RBM6: variants seen among roughly 807,000 people sequenced by gnomAD.
The protein encoded by RBM6 is RNA-binding protein 6.
Under a neutral mutation model 140.4 loss-of-function variants are expected in RBM6, and 23 were observed. The ratio of observed to expected loss-of-function variants is 0.16; its 90% confidence interval spans 0.12 to 0.23. The LOEUF is 0.23. RBM6 is among the 10% of genes least tolerant of loss of function. The pLI, the probability that RBM6 is intolerant of heterozygous loss-of-function variation, is 1.00. For missense variants in RBM6, 1,139 were observed against 1,386.7 expected, an observed-to-expected ratio of 0.82 and a Z score of 2.84; for synonymous variants, 439 against 475.6, an observed-to-expected ratio of 0.92 and a Z score of 1.00.
chr3:49,996,822 G>T (rs1044438362), intron 5 of RBM6, among the ~76,000 whole-genome samples: 6 of 152,116 alleles, frequency 3.9e-5, no homozygotes, highest in Non-Finnish European at 8.8e-5. Context: ...TATTTAAATT[G>T]GTCTATGATC....
chr3:50,013,863 A>G (rs943179880), intron 6 of RBM6, among the ~76,000 whole-genome samples: 1 of 152,052 alleles, frequency 6.6e-6, no homozygotes. Context: ...GATTTTTGAC[A>G]TGCTCTTCTC....
intron 6 of RBM6, among the ~76,000 whole-genome samples, chr3:50,008,966 G>A (rs1183838367): frequency 1.3e-5 from 2 of 152,220 alleles, no homozygotes; most frequent in Non-Finnish European, 2.9e-5. Context: ...AAAGTGATCA[G>A]CATGATAACT....
chr3:50,074,126 GC>G (rs2090389035), intron 19 of RBM6, among the ~76,000 whole-genome samples: 1 of 152,028 alleles, frequency 6.6e-6, no homozygotes, highest in African/African-American at 2.4e-5. Flanking sequence ...ACTGCACCCG[GC>G]CACCAAGCAG....
At chr3:50,043,169 T>G (rs745674475) in intron 6 of RBM6, among the ~76,000 whole-genome samples, 3 of 152,160 alleles carry the variant, frequency 2.0e-5, no homozygotes, top group African/African-American at 4.8e-5. Context: ...AGGAGATGTC[T>G]TTGGTTTTAC....
rs542734328 is a variant in RBM6, at chr3:50,021,740, C to CTTTTTTTTTTTTTTTTTTTT, written c.1557+22238_1557+22257dup. Among the ~76,000 whole-genome samples the CTTTTTTTTTTTTTTTTTTTT allele has an allele frequency of 2.8e-4, 12 of 42,752 alleles. 5 individuals are homozygous for CTTTTTTTTTTTTTTTTTTTT. Among genetic ancestry groups the CTTTTTTTTTTTTTTTTTTTT allele is most frequent in the Non-Finnish European group, 4.1e-4 (10 of 24,470 alleles). The allele number at this position is 42,752 out of a possible 152,430, so 28.0% of individuals were successfully genotyped here. A position where few individuals can be genotyped will look rare whatever the true frequency, so the allele number is the denominator to read the frequency against. On this transcript the variant is annotated intron_variant, in intron 6 of 20. Coordinates refer to ENST00000266022, the MANE Select transcript of RBM6 (RefSeq NM_005777.3). ...ATCTCCATACTGAGGAATTTAAGTGCTTTTTTTTTTTTTTTTTTTTTTTTT... is the reference window on the plus strand; with the variant it reads ...ATCTCCATACTGAGGAATTTAAGTGCTTTTTTTTTTTTTTTTTTTTTTTTTTTTTTTTTTTTTTTTTTTTT...
At chr3:50,018,653 G>A (rs1466838824) in intron 6 of RBM6, among the ~76,000 whole-genome samples, 1 of 141,560 alleles carries the variant, frequency 7.1e-6, no homozygotes, top group Non-Finnish European at 1.5e-5. Flanking sequence ...GTGCAGTGGT[G>A]CGATCTCGGT....
Position 49,968,510 on chromosome 3 carries a change from G to C in RBM6, c.1085G>C (p.Ser362Thr). Reference sequence around the variant, plus strand: ...CCAGCAGACTTTCAGAACAGCCAAAGTCCAGTTCAAGACCAAGATAAGTCA... The same window carrying C: ...CCAGCAGACTTTCAGAACAGCCAAACTCCAGTTCAAGACCAAGATAAGTCA... ...ESPADFQNSQ[S>T]PVQDQDKSQL... The change falls in exon 3 of 21, where the codon AGT becomes ACT. Residue 362 changes from serine (S) to threonine (T), a missense_variant. By Grantham distance (58) the Ser-to-Thr change is moderately conservative. This residue lies in a region of RBM6 where 566 missense variants were observed against 612.7 expected (regional missense o/e 0.92). Coordinates refer to ENST00000266022, the MANE Select transcript of RBM6 (RefSeq NM_005777.3). 1 of 1,614,208 alleles carries C rather than the reference G, an allele frequency of 6.2e-7. No individual in the cohort carries two copies. The highest frequency in any genetic ancestry group is 8.5e-7 in the Non-Finnish European group (1 of 1,180,038).
intron 5 of RBM6, among the ~76,000 whole-genome samples, chr3:49,978,606 G>T (rs2085164092): frequency 6.6e-6 from 1 of 152,218 alleles, no homozygotes; most frequent in African/African-American, 2.4e-5. Flanking sequence ...TTATAGAAAT[G>T]TAGTTTACAT....
intron 14 of RBM6, 182 bp from the exon 15 acceptor site, chr3:50,061,780 C>T: frequency 1.6e-6 from 2 of 1,272,556 alleles, no homozygotes; most frequent in South Asian, 3.3e-5. Flanking sequence ...AAAAAGTGGA[C>T]AGTGGGTGGT....
At chr3:50,037,870 G>A (rs148796705) in intron 6 of RBM6, among the ~76,000 whole-genome samples, 1,832 of 147,976 alleles carry the variant, frequency 0.012, 15 homozygotes, top group Non-Finnish European at 0.018. Flanking sequence ...TGCCCAGGCT[G>A]GAGTGTGGTG....
In RBM6 at chr3:49,967,566, T is replaced by C. The variant is rs2084563167; in HGVS notation, c.141T>C (p.Phe47=). The change falls in exon 3 of 21, where the codon TTT becomes TTC. Residue 47 remains phenylalanine, a synonymous_variant. Transcript: ENST00000266022. This position sits in a 1 kb window ranked among gnomAD's most constrained non-coding sequence, Gnocchi z 4.0. ...CTCAAGAGAGACACTCTGGCAACTT[T>C]CCTGGCAGAGATTCACTTCCCTTTG... ...SHAQERHSGN[F]PGRDSLPFDF... 6.2e-7 allele frequency: 1 copy of C among 1,614,176 alleles called. No homozygotes were observed. The highest frequency in any genetic ancestry group is 8.5e-7 in the Non-Finnish European group (1 of 1,180,024).
chr3:50,025,446 G>T (rs2087746214), intron 6 of RBM6, among the ~76,000 whole-genome samples: 1 of 150,720 alleles, frequency 6.6e-6, no homozygotes, highest in Non-Finnish European at 1.5e-5. Flanking sequence ...AAACACCACG[G>T]AATTGTTATT....
intron 6 of RBM6, among the ~76,000 whole-genome samples, chr3:50,043,169 T>C (rs745674475): frequency 6.6e-6 from 1 of 152,160 alleles, no homozygotes; most frequent in Non-Finnish European, 1.5e-5. Context: ...AGGAGATGTC[T>C]TTGGTTTTAC....
rs571112279 is a variant in RBM6, at chr3:49,971,760, T to C, written c.1324-299T>C. On this transcript the variant is annotated intron_variant, in intron 3 of 20. Coordinates refer to ENST00000266022, the MANE Select transcript of RBM6 (RefSeq NM_005777.3). The stretch of plus-strand genomic sequence containing the variant: ...ATGTTGGCTAGGCTGAGAAAATTAC[T>C]GTTTTGAGACTATGTTAGTGTGTCT... Among the ~76,000 whole-genome samples the C allele has an allele frequency of 1.1e-4, 17 of 152,220 alleles. No individual in the cohort carries two copies. The South Asian group carries it at 3.3e-3, about 30-fold the overall frequency.
chr3:49,993,579 T>G (rs2085927934), intron 5 of RBM6, among the ~76,000 whole-genome samples: 1 of 152,112 alleles, frequency 6.6e-6, no homozygotes, highest in South Asian at 2.1e-4. Flanking sequence ...TAGGCGGTAG[T>G]TGCAATGAGC....
At chr3:50,054,256 T>G (rs1198531272) in intron 7 of RBM6, 79 bp from the exon 8 acceptor site, 9 of 1,159,818 alleles carry the variant, frequency 7.8e-6, no homozygotes, top group East Asian at 2.4e-5. Flanking sequence ...CTTTCATTTT[T>G]GGGGGGTTTC....
At chr3:49,979,213 T>C (rs565393247) in intron 5 of RBM6, among the ~76,000 whole-genome samples, 3 of 152,096 alleles carry the variant, frequency 2.0e-5, no homozygotes, top group Non-Finnish European at 4.4e-5. Flanking sequence ...ATGAAATATC[T>C]AGAGAAGGCA....
intron 8 of RBM6, among the ~76,000 whole-genome samples, chr3:50,054,741 C>G (rs1309452803): frequency 6.6e-6 from 1 of 152,062 alleles, no homozygotes; most frequent in Admixed American, 6.6e-5. Flanking sequence ...GCCTTGAACT[C>G]CTGACCTTGT....
intron 6 of RBM6, among the ~76,000 whole-genome samples, chr3:50,001,278 A>G (rs1052894053): frequency 6.6e-6 from 1 of 152,136 alleles, no homozygotes; most frequent in South Asian, 2.1e-4. Context: ...AGCCTGGGCA[A>G]CACAGGGAGA....
Sources: allele counts gnomAD v4.1 joint callset (sites outside exome capture counted in the v4.1 genomes callset), GRCh38; gene constraint gnomAD v4.1.1; regional missense constraint gnomAD v4.1.1; non-coding constraint Gnocchi (gnomAD v3.1); transcripts MANE v1.5; gene names NCBI Gene and HGNC (gene_info 2026-07-23, HGNC 2026-07-21).